The following CFAP99 variants were observed in gnomAD, a reference collection of about 807,000 sequenced individuals.
CFAP99 encodes the protein cilia and flagella associated protein 99.
CFAP99 carries 84 observed loss-of-function variants against 82.7 expected under a neutral mutation model. The observed-to-expected ratio is 1.02, with a 90% CI of 0.85 to 1.22. The LOEUF is 1.22. CFAP99 is among the 50% of genes most tolerant of loss of function. CFAP99 has a pLI of 0.00. For missense variants in CFAP99, 1,059 were observed against 983.5 expected, an observed-to-expected ratio of 1.08 and a Z score of -1.03; for synonymous variants, 456 against 429.5, an observed-to-expected ratio of 1.06 and a Z score of -0.76.
chr4:2,440,160 T>TTTTTTTTTTTTTTTTA (rs1734002186), intron 4 of CFAP99, among the ~76,000 whole-genome samples: 1 of 128,222 alleles, frequency 7.8e-6, no homozygotes, highest in Non-Finnish European at 1.6e-5. Flanking sequence ...TTTTTTTTTT[T>TTTTTTTTTTTTTTTTA]TTTTGAGACG....
At chr4:2,458,913 G>C in intron 12 of CFAP99, 49 bp downstream of exon 12, 1 of 1,505,336 alleles carries the variant, frequency 6.6e-7, no homozygotes, top group Non-Finnish European at 8.9e-7. Flanking sequence ...TTCCCCACTC[G>C]GGTGCTGGGC....
rs1055459479 is a variant in CFAP99, at chr4:2,426,698, G to A, written c.111+112G>A. 4 of 713,798 alleles carry A rather than the reference G, an allele frequency of 5.6e-6. No homozygotes were observed. The Admixed American group carries it at 6.5e-5, about 12-fold the overall frequency. 44.2% of individuals were successfully genotyped at this position (713,798 alleles called of 1,614,324 possible). A position where few individuals can be genotyped will look rare whatever the true frequency, so the allele number is the denominator to read the frequency against. ...AACGACTGCCTTCCTTCCACATGGGGAGAAGCTGACCGTGTTTTCCACAGA... is the reference window on the plus strand; with the variant it reads ...AACGACTGCCTTCCTTCCACATGGGAAGAAGCTGACCGTGTTTTCCACAGA... On this transcript the variant is annotated intron_variant, in intron 2 of 14. Coordinates refer to ENST00000635017, the Ensembl canonical transcript of CFAP99.
intron 6 of CFAP99, 59 bp from the exon 7 acceptor site, chr4:2,449,611 T>C: frequency 6.8e-7 from 1 of 1,470,710 alleles, no homozygotes; most frequent in Non-Finnish European, 9.2e-7. Context: ...CTGGCATTTC[T>C]AGGCCCCCTC....
Position 2,449,925 on chromosome 4 carries a change from CTG to C in CFAP99, c.724-6_724-5del, listed in dbSNP as rs1355981275. On this transcript the variant is annotated splice_polypyrimidine_tract_variant and splice_region_variant and intron_variant, in intron 7 of 14. Transcript: ENST00000635017. ...TGGTGGGACTGGAGCCGCTGTGTCA[CTG>C]TGGCAGGAGCTGCTGCTGAGGGCAA... 4 of 1,536,070 alleles carry C rather than the reference CTG, an allele frequency of 2.6e-6. No homozygotes were observed. The African/African-American group carries it at 5.5e-5, about 21-fold the overall frequency.
At chr4:2,453,987 TTTTTTGG>T (rs996241668) in intron 11 of CFAP99, among the ~76,000 whole-genome samples, 6 of 151,548 alleles carry the variant, frequency 4.0e-5, no homozygotes, top group East Asian at 1.9e-4. Flanking sequence ...CTAATTTTTG[TTTTTTGG>T]TTTTTGGTTT....
chr4:2,452,845 T>G (rs1253471373), intron 11 of CFAP99, among the ~76,000 whole-genome samples: 1 of 152,188 alleles, frequency 6.6e-6, no homozygotes, highest in Non-Finnish European at 1.5e-5. Context: ...AGAAGATCAC[T>G]TGAGCCTAGG....
intron 3 of CFAP99, among the ~76,000 whole-genome samples, chr4:2,437,327 C>T (rs1733939232): frequency 6.6e-6 from 1 of 152,210 alleles, no homozygotes; most frequent in South Asian, 2.1e-4. Flanking sequence ...CACCACTGAC[C>T]CCGAGGCCTT....
In CFAP99 at chr4:2,451,260, G is replaced by A. The variant is rs763434061; in HGVS notation, c.868-4G>A. On this transcript the variant is annotated splice_polypyrimidine_tract_variant and splice_region_variant and intron_variant, in intron 9 of 14. Coordinates refer to ENST00000635017, the Ensembl canonical transcript of CFAP99. The stretch of plus-strand genomic sequence containing the variant: ...CCCACCACAGCCAGTCCCCAATCCC[G>A]CAGCCTGACAACATCCTGGTCAAGC... 319 of 1,535,848 alleles carry A rather than the reference G, an allele frequency of 2.1e-4. No individual in the cohort carries two copies. Among genetic ancestry groups the A allele is most frequent in the Non-Finnish European group, 2.5e-4 (292 of 1,146,828 alleles).
At chr4:2,429,990 A>T (rs1733767398) in intron 2 of CFAP99, among the ~76,000 whole-genome samples, 1 of 152,268 alleles carries the variant, frequency 6.6e-6, no homozygotes, top group South Asian at 2.1e-4. Flanking sequence ...AGCTATCAAG[A>T]AATTGTTGCA....
In CFAP99 at chr4:2,418,986, A is replaced by T. The variant is rs1733449473; in HGVS notation, c.-125A>T. The T allele has an allele frequency of 6.6e-6, 1 of 152,010 alleles. No homozygotes were observed. The highest frequency in any genetic ancestry group is 1.5e-5 in the Non-Finnish European group (1 of 67,984). 9.4% of individuals were successfully genotyped at this position (152,010 alleles called of 1,614,324 possible). On this transcript the variant is annotated 5_prime_UTR_variant, in exon 1 of 15. Coordinates refer to ENST00000635017, the Ensembl canonical transcript of CFAP99. This position sits in a 1 kb window ranked among gnomAD's most constrained non-coding sequence, Gnocchi z 4.6. ...CAGCCGCGGCGTCCTGCCTACCGGG[A>T]GCTGACGGACGACGACTGCCAACAC...
chr4:2,450,102 G>A (rs1193122346), intron 8 of CFAP99, 97 bp downstream of exon 8: 22 of 1,254,560 alleles, frequency 1.8e-5, no homozygotes, highest in Non-Finnish European at 2.4e-5. Context: ...CACTTATGTA[G>A]CCTTTTCCCA....
chr4:2,423,250 G>GCCACCACGCCCACACTGCACCACA (rs1733619536), intron 1 of CFAP99, among the ~76,000 whole-genome samples: 1 of 152,238 alleles, frequency 6.6e-6, no homozygotes, highest in Non-Finnish European at 1.5e-5. Context: ...ACCAGGGTTG[G>GCCACCACGCCCACACTGCACCACA]CCACCACGCC....
At position 2,436,107 on chromosome 4, in the gene CFAP99, GTATATATAGA is replaced by G. The variant is rs1272946851; in HGVS notation, c.112-751_112-742del. ...AAAAAAAAAAAAAATCTATATATAT[GTATATATAGA>G]TATATATAGATATATGAAATTTTCA... On this transcript the variant is annotated intron_variant, in intron 2 of 14. Transcript: ENST00000635017. Among the ~76,000 whole-genome samples the G allele has an allele frequency of 1.5e-4, 21 of 144,414 alleles. No individual in the cohort carries two copies. The East Asian group carries it at 1.8e-3, about 12-fold the overall frequency. The allele number at this position is 144,414 out of a possible 152,430, so 94.7% of individuals were successfully genotyped here.
Position 2,451,145 on chromosome 4 carries a change from G to T in CFAP99, c.868-119G>T, listed in dbSNP as rs112746921. The T allele has an allele frequency of 2.6e-5, 37 of 1,444,268 alleles. 1 individual carries two copies. In the African/African-American group the frequency reaches 3.4e-4, roughly 13 times the overall value. The allele number at this position is 1,444,268 out of a possible 1,614,324, so 89.5% of individuals were successfully genotyped here. ...AGAGTCCCAAGGACGGCCCCACCCT[G>T]GGGGATAGGGAAGCACCTGGGCAGG... On this transcript the variant is annotated intron_variant, in intron 9 of 14. Transcript: ENST00000635017.
chr4:2,436,816 ACCG>A, intron 2 of CFAP99, 55 bp from the exon 3 acceptor site: 1 of 1,239,922 alleles, frequency 8.1e-7, no homozygotes, highest in Non-Finnish European at 1.1e-6. Context: ...TCCCACCCCC[ACCG>A]CCGCCCTTTC....
Position 2,459,145 on chromosome 4 carries a change from C to T in CFAP99, c.1342C>T (p.Arg448Cys), listed in dbSNP as rs191237425. Residue 448 changes from arginine (R) to cysteine (C), a missense_variant, in exon 13 of 15, where the codon CGC (arginine) becomes TGC (cysteine). By Grantham distance (180) the Arg-to-Cys change is radical (BLOSUM62 -3). Transcript: ENST00000635017. ...CGAGGAGAGCAGGGGGCTGCTGCAG[C>T]GCAGGGCGCAGGCAGCCCAGGAGGA... 9.4e-5 allele frequency: 144 copies of T among 1,534,242 alleles called. No individual in the cohort carries two copies. In the East Asian group the frequency reaches 1.5e-3, roughly 16 times the overall value.
At chr4:2,422,765 G>A (rs1368835756) in intron 1 of CFAP99, among the ~76,000 whole-genome samples, 1 of 152,186 alleles carries the variant, frequency 6.6e-6, no homozygotes, top group African/African-American at 2.4e-5. Context: ...GTGGAGGCAG[G>A]GCAAGAAAAC....
chr4:2,458,330 C>T (rs537235693), intron 11 of CFAP99, among the ~76,000 whole-genome samples: 20 of 152,134 alleles, frequency 1.3e-4, no homozygotes, highest in Non-Finnish European at 2.4e-4. Flanking sequence ...ACAGAAAAGC[C>T]GTAAATATAG....
Position 2,436,810 on chromosome 4 carries a change from AC to A in CFAP99, c.112-59del. 3.4e-6 allele frequency: 4 copies of A among 1,190,528 alleles called. No homozygotes were observed. The South Asian group carries it at 5.3e-5, about 16-fold the overall frequency. The allele number at this position is 1,190,528 out of a possible 1,614,324, so 73.7% of individuals were successfully genotyped here. A position where few individuals can be genotyped will look rare whatever the true frequency, so the allele number is the denominator to read the frequency against. On this transcript the variant is annotated intron_variant, in intron 2 of 14. Transcript: ENST00000635017. ...ACCCCTGCCTTTGCCCAAGTGTCCC[AC>A]CCCCACCGCCGCCCTTTCCTCCCGG...
Sources: allele counts gnomAD v4.1 joint callset (sites outside exome capture counted in the v4.1 genomes callset), GRCh38; gene constraint gnomAD v4.1.1; non-coding constraint Gnocchi (gnomAD v3.1); transcripts MANE v1.5; gene names NCBI Gene and HGNC (gene_info 2026-07-23, HGNC 2026-07-21).